MTUS2: variants seen among roughly 807,000 people sequenced by gnomAD.
The protein encoded by MTUS2 is microtubule associated scaffold protein 2.
A neutral mutation model predicts 114.1 loss-of-function variants in MTUS2; 40 were observed. That is an observed-to-expected ratio of 0.35 (90% CI 0.27 to 0.46). The LOEUF (loss-of-function observed/expected upper bound fraction) is 0.46. MTUS2 is among the 20% of genes least tolerant of loss of function. The pLI is 1.00. For missense variants in MTUS2, 1,679 were observed against 1,705.4 expected (o/e 0.98, Z 0.27); for synonymous variants, 688 against 672.0 (o/e 1.02, Z -0.37).
chr13:29,493,474 T>A (rs1882326873), intron 12 of MTUS2, among the ~76,000 whole-genome samples: 1 of 152,084 alleles, frequency 6.6e-6, no homozygotes. Flanking sequence ...TTAGGCACAC[T>A]CTCATCTGGA....
chr13:29,428,622 C>A, intron 8 of MTUS2: 2 of 588,898 alleles, frequency 3.4e-6, no homozygotes, highest in Non-Finnish European at 4.5e-6. Flanking sequence ...CCTCCCGCAG[C>A]AGCAAGATCT....
chr13:28,829,822 A>G (rs927747939), intron 1 of MTUS2, among the ~76,000 whole-genome samples: 4 of 152,204 alleles, frequency 2.6e-5, no homozygotes, highest in African/African-American at 7.2e-5. Flanking sequence ...GGAGCTACCT[A>G]TGGGGGCTTT....
chr13:29,048,212 C>G (rs796862345), intron 4 of MTUS2, among the ~76,000 whole-genome samples: 33 of 152,160 alleles, frequency 2.2e-4, no homozygotes, highest in African/African-American at 7.7e-4. Flanking sequence ...CTCTACAGTT[C>G]TTATTTAGGT....
At chr13:29,192,739 A>C (rs761980539) in intron 5 of MTUS2, among the ~76,000 whole-genome samples, 26 of 152,212 alleles carry the variant, frequency 1.7e-4, no homozygotes, top group Non-Finnish European at 2.9e-4. Context: ...GTTTGTTAAA[A>C]ATGCTATCTA....
rs1873059788 is a variant in MTUS2, at chr13:29,389,553, ACG to A, written c.3117+30081_3117+30082del. On this transcript the variant is annotated intron_variant, in intron 8 of 15. Transcript: ENST00000612955. ...TGTATACACGTGTGTATATGTATAC[ACG>A]TGTGTATATGTGTACATATGTGTGT... Among the ~76,000 whole-genome samples the A allele has an allele frequency of 6.2e-5, 5 of 81,180 alleles. 1 individual carries two copies. Among genetic ancestry groups the A allele is most frequent in the African/African-American group, 9.1e-5 (2 of 21,908 alleles). The allele number at this position is 81,180 out of a possible 152,430, so 53.3% of individuals were successfully genotyped here. A position where few individuals can be genotyped will look rare whatever the true frequency, so the allele number is the denominator to read the frequency against.
At chr13:29,217,814 T>C (rs904788873) in intron 5 of MTUS2, among the ~76,000 whole-genome samples, 3 of 152,356 alleles carry the variant, frequency 2.0e-5, no homozygotes, top group East Asian at 3.9e-4. Flanking sequence ...AATTCTTTTT[T>C]GTCATTTCAA....
chr13:29,008,405 C>T (rs1885693599), intron 2 of MTUS2, among the ~76,000 whole-genome samples: 1 of 152,174 alleles, frequency 6.6e-6, no homozygotes, highest in Admixed American at 6.5e-5. Flanking sequence ...CTTTCCACCG[C>T]CTTCTGTCTT....
chr13:28,861,439 C>CTTT (rs11462684), intron 2 of MTUS2, among the ~76,000 whole-genome samples: 2,181 of 139,428 alleles, frequency 0.016, 58 homozygotes, highest in African/African-American at 0.053. Flanking sequence ...CTGTTTTTTT[C>CTTT]TTTTTTTTTT....
chr13:29,054,893 C>A (rs1888061114), intron 4 of MTUS2, among the ~76,000 whole-genome samples: 1 of 151,970 alleles, frequency 6.6e-6, no homozygotes, highest in Non-Finnish European at 1.5e-5. Flanking sequence ...TTCTTAGATA[C>A]TCTTCTGTTG....
chr13:29,028,814 C>CTATA (rs558975958), intron 3 of MTUS2, among the ~76,000 whole-genome samples: 3 of 152,056 alleles, frequency 2.0e-5, no homozygotes, highest in Non-Finnish European at 2.9e-5. Flanking sequence ...AATGGTGCTT[C>CTATA]TTATAAGTAT....
intron 5 of MTUS2, among the ~76,000 whole-genome samples, chr13:29,134,322 C>T (rs1033504693): frequency 6.6e-6 from 1 of 152,028 alleles, no homozygotes; most frequent in African/African-American, 2.4e-5. Flanking sequence ...GGAAAATTTC[C>T]CATGTGCACT....
chr13:29,486,885 T>C (rs543991762), intron 10 of MTUS2, among the ~76,000 whole-genome samples: 3 of 152,224 alleles, frequency 2.0e-5, no homozygotes, highest in South Asian at 2.1e-4. Context: ...TTTGCAATCA[T>C]AGGGAGAGGT....
intron 2 of MTUS2, among the ~76,000 whole-genome samples, chr13:29,001,261 G>T (rs954812891): frequency 6.6e-6 from 1 of 152,144 alleles, no homozygotes; most frequent in African/African-American, 2.4e-5. Flanking sequence ...AGATCCTTCT[G>T]GCTATAGGGT....
intron 6 of MTUS2, chr13:29,306,874 A>T (rs1232744169): frequency 4.0e-6 from 2 of 499,686 alleles, no homozygotes; most frequent in South Asian, 3.0e-5. Flanking sequence ...TATTGTGGCC[A>T]TCAGTGACCC....
intron 5 of MTUS2, among the ~76,000 whole-genome samples, chr13:29,138,661 C>T (rs1450268762): frequency 6.6e-6 from 1 of 151,376 alleles, no homozygotes; most frequent in Non-Finnish European, 1.5e-5. Flanking sequence ...GGTTGTACAA[C>T]TCTGTAAACA....
chr13:29,375,154 G>A (rs3125695), intron 8 of MTUS2, among the ~76,000 whole-genome samples: 143,866 of 152,094 alleles, frequency 0.95, 68,548 homozygotes, highest in East Asian at 1. Flanking sequence ...AACTCACTGG[G>A]TGGAAATGAC....
chr13:28,998,590 C>A (rs556581706), intron 2 of MTUS2, among the ~76,000 whole-genome samples: 1 of 152,262 alleles, frequency 6.6e-6, no homozygotes, highest in South Asian at 2.1e-4. Flanking sequence ...TTATTCATTT[C>A]TTTTTATTCT....
chr13:29,358,397 C>T (rs1396707895), intron 7 of MTUS2, among the ~76,000 whole-genome samples: 2 of 152,226 alleles, frequency 1.3e-5, no homozygotes, highest in Non-Finnish European at 2.9e-5. Flanking sequence ...CCAGGCAGAG[C>T]TCCTTGCCCC....
chr13:29,122,797 T>TTTTTTTTAAAG (rs1208963032), intron 5 of MTUS2, among the ~76,000 whole-genome samples: 41 of 152,380 alleles, frequency 2.7e-4, no homozygotes, highest in African/African-American at 9.6e-4. Context: ...TAAATGGTGC[T>TTTTTTTTAAAG]ACTTTATTTA....
Sources: allele counts gnomAD v4.1 joint callset (sites outside exome capture counted in the v4.1 genomes callset), GRCh38; gene constraint gnomAD v4.1.1; transcripts MANE v1.5; gene names NCBI Gene and HGNC (gene_info 2026-07-23, HGNC 2026-07-21).